The following LDLRAD3 variants were observed in gnomAD, a reference collection of about 807,000 sequenced individuals.
LDLRAD3 encodes the protein low density lipoprotein receptor class A domain containing 3.
LDLRAD3 carries 20 observed loss-of-function variants against 29.4 expected under a neutral mutation model. The ratio of observed to expected loss-of-function variants is 0.68; its 90% CI spans 0.48 to 0.99. LDLRAD3 has a LOEUF of 0.99. Ranked by LOEUF, LDLRAD3 falls within the 50% of genes least tolerant of loss-of-function variation. The pLI is 0.00. For synonymous variants in LDLRAD3, 157 were observed against 192.7 expected (o/e 0.81, Z 1.53); for missense variants, 420 against 454.3 (o/e 0.92, Z 0.69).
intron 2 of LDLRAD3, among the ~76,000 whole-genome samples, chr11:36,050,171 T>TG (rs1206776395): frequency 4.6e-5 from 7 of 152,182 alleles, no homozygotes; most frequent in African/African-American, 1.7e-4. Flanking sequence ...TAAGTGATTG[T>TG]GGTAAGGAGG....
At chr11:36,196,053 A>T (rs1014913878) in intron 4 of LDLRAD3, among the ~76,000 whole-genome samples, 6 of 148,734 alleles carry the variant, frequency 4.0e-5, no homozygotes, top group African/African-American at 1.2e-4. Flanking sequence ...AGCATACCCC[A>T]TCCAAAAAGC....
chr11:36,218,331 C>A (rs541644075), intron 4 of LDLRAD3, among the ~76,000 whole-genome samples: 1 of 152,210 alleles, frequency 6.6e-6, no homozygotes, highest in Non-Finnish European at 1.5e-5. Flanking sequence ...TCACAGGGAA[C>A]AGTGCTGTCT....
At chr11:36,036,753 G>T (rs1023528975) in intron 2 of LDLRAD3, among the ~76,000 whole-genome samples, 2 of 152,112 alleles carry the variant, frequency 1.3e-5, no homozygotes, top group Non-Finnish European at 2.9e-5. Flanking sequence ...ACATAGTAAC[G>T]TGCTTTCCCA....
chr11:36,205,009 C>T (rs871429), intron 4 of LDLRAD3, among the ~76,000 whole-genome samples: 56,515 of 151,920 alleles, frequency 0.37, 10,607 homozygotes, highest in East Asian at 0.51. Flanking sequence ...CCATCTTCCC[C>T]TCAGGTTCCC....
At chr11:36,158,258 A>G (rs1854383035) in intron 4 of LDLRAD3, among the ~76,000 whole-genome samples, 1 of 152,052 alleles carries the variant, frequency 6.6e-6, no homozygotes, top group Admixed American at 6.5e-5. Context: ...TCCGGGGGTA[A>G]TTCCCTTTGA....
chr11:35,979,892 C>T (rs576487729), intron 1 of LDLRAD3, among the ~76,000 whole-genome samples: 36 of 152,272 alleles, frequency 2.4e-4, no homozygotes, highest in Non-Finnish European at 4.3e-4. Flanking sequence ...TATCCTCTTC[C>T]CTTTAATTGG....
chr11:36,084,842 A>G (rs569780439), intron 3 of LDLRAD3, among the ~76,000 whole-genome samples: 1 of 152,352 alleles, frequency 6.6e-6, no homozygotes, highest in East Asian at 1.9e-4. Flanking sequence ...ATTCACTTCA[A>G]GTAGAATGTA....
At chr11:36,126,838 G>C (rs1002479699) in intron 4 of LDLRAD3, among the ~76,000 whole-genome samples, 4 of 152,166 alleles carry the variant, frequency 2.6e-5, no homozygotes, top group Non-Finnish European at 5.9e-5. Flanking sequence ...TAAGACCAGT[G>C]GGTGTCCTGA....
chr11:36,082,672 C>T (rs968364971), intron 3 of LDLRAD3, among the ~76,000 whole-genome samples: 2 of 152,204 alleles, frequency 1.3e-5, no homozygotes, highest in African/African-American at 4.8e-5. Flanking sequence ...TGCATGCACA[C>T]ACATACTCAT....
intron 4 of LDLRAD3, among the ~76,000 whole-genome samples, chr11:36,169,279 A>G (rs2133346181): frequency 6.6e-6 from 1 of 152,294 alleles, no homozygotes; most frequent in Admixed American, 6.5e-5. Flanking sequence ...AACATTTATC[A>G]TTTATTTCTG....
intron 4 of LDLRAD3, among the ~76,000 whole-genome samples, chr11:36,116,260 G>A (rs1392132725): frequency 6.6e-6 from 1 of 152,204 alleles, no homozygotes; most frequent in Admixed American, 6.5e-5. Flanking sequence ...GTTCCCCAGT[G>A]TACTCTGTCT....
At chr11:36,172,708 A>G (rs888320035) in intron 4 of LDLRAD3, among the ~76,000 whole-genome samples, 1 of 152,102 alleles carries the variant, frequency 6.6e-6, no homozygotes, top group African/African-American at 2.4e-5. Flanking sequence ...TCTTTTTGAT[A>G]TGCTGTTGGA....
At chr11:36,145,155 TG>T (rs1485629039) in intron 4 of LDLRAD3, among the ~76,000 whole-genome samples, 2 of 86,810 alleles carry the variant, frequency 2.3e-5, no homozygotes, top group Admixed American at 1.2e-4. Flanking sequence ...GGGAGGGAGG[TG>T]GGGGGGTCAG....
intron 1 of LDLRAD3, among the ~76,000 whole-genome samples, chr11:36,032,935 C>T (rs1365070470): frequency 1.3e-5 from 2 of 151,570 alleles, no homozygotes; most frequent in African/African-American, 2.4e-5. Context: ...AGTGCAGTGG[C>T]GTGATCTCGG....
intron 4 of LDLRAD3, among the ~76,000 whole-genome samples, chr11:36,110,588 G>C (rs980130661): frequency 1.3e-5 from 2 of 152,162 alleles, no homozygotes; most frequent in Non-Finnish European, 2.9e-5. Flanking sequence ...GTGGCTCTCA[G>C]CTCCCCAACC....
intron 2 of LDLRAD3, among the ~76,000 whole-genome samples, chr11:36,078,803 G>A (rs765416713): frequency 1.3e-5 from 2 of 152,166 alleles, no homozygotes; most frequent in East Asian, 1.9e-4. Flanking sequence ...ACCAGCGGAC[G>A]ATTCAGCTTG....
At chr11:36,036,674 G>C (rs1377149472) in intron 2 of LDLRAD3, among the ~76,000 whole-genome samples, 1 of 152,116 alleles carries the variant, frequency 6.6e-6, no homozygotes, top group Non-Finnish European at 1.5e-5. Flanking sequence ...AGAGCACCGT[G>C]GAATTTTCTT....
chr11:36,139,898 G>A (rs1815929921), intron 4 of LDLRAD3, among the ~76,000 whole-genome samples: 2 of 152,226 alleles, frequency 1.3e-5, no homozygotes, highest in African/African-American at 2.4e-5. Context: ...CGAAGTGAAT[G>A]TGCTGTGGGT....
chr11:36,167,028 A>G (rs1328385432), intron 4 of LDLRAD3, among the ~76,000 whole-genome samples: 4 of 152,342 alleles, frequency 2.6e-5, no homozygotes, highest in South Asian at 4.1e-4. Context: ...TTTATGGTCA[A>G]CATTCTTCAG....
Sources: gnomAD v4.1 joint callset for allele counts (sites outside exome capture counted in the v4.1 genomes callset) on GRCh38, gnomAD v4.1.1 for gene constraint, MANE v1.5 for transcripts, NCBI Gene and HGNC (gene_info 2026-07-23, HGNC 2026-07-21) for gene names.